SLC23A2: variants seen among roughly 807,000 people sequenced by gnomAD.
SLC23A2 encodes the protein Na(+)/L-ascorbic acid transporter 2.
SLC23A2 carries 36 observed loss-of-function variants against 73.3 expected under a neutral mutation model. That is an observed-to-expected ratio of 0.49 (90% CI 0.38 to 0.65). The LOEUF (loss-of-function observed/expected upper bound fraction) is 0.65. Ranked by LOEUF, SLC23A2 falls within the 30% of genes least tolerant of loss-of-function variation. SLC23A2 has a pLI of 0.00. For missense variants in SLC23A2, 507 were observed against 841.6 expected (o/e 0.60, Z 4.92); for synonymous variants, 343 against 327.3 (o/e 1.05, Z -0.52).
intron 1 of SLC23A2, among the ~76,000 whole-genome samples, chr20:4,990,135 T>C (rs2087901879): frequency 6.6e-6 from 1 of 152,164 alleles, no homozygotes; most frequent in East Asian, 1.9e-4. Flanking sequence ...AAAAGAACCA[T>C]CTAAAAAAGT....
rs532334599 is a variant in SLC23A2 at position 4,990,067 on chromosome 20, T to C, written c.-282+11339A>G. On this transcript the variant is annotated intron_variant, in intron 1 of 16. Transcript: ENST00000338244. Reference sequence around the variant, plus strand: ...ATTACACGGCAAACTTAAGGTCACATCTTCTTGTCAGTTGTGACAAAAATG... The same window carrying C: ...ATTACACGGCAAACTTAAGGTCACACCTTCTTGTCAGTTGTGACAAAAATG... Among the ~76,000 whole-genome samples the C allele has an allele frequency of 1.1e-4, 16 of 152,228 alleles. 1 individual carries two copies. The South Asian group carries it at 2.1e-3, about 20-fold the overall frequency.
At chr20:4,932,993 T>C (rs1280626424) in intron 2 of SLC23A2, among the ~76,000 whole-genome samples, 1 of 152,228 alleles carries the variant, frequency 6.6e-6, no homozygotes, top group East Asian at 1.9e-4. Flanking sequence ...AGGTACTTCT[T>C]TGATATGCAT....
intron 12 of SLC23A2, 91 bp from the exon 13 acceptor site, chr20:4,867,966 T>C (rs901633865): frequency 2.7e-6 from 2 of 751,890 alleles, no homozygotes; most frequent in South Asian, 3.1e-5. Flanking sequence ...AATCCAAAAA[T>C]GTGGTCCAGA....
intron 1 of SLC23A2, among the ~76,000 whole-genome samples, chr20:4,987,095 G>C (rs1215889851): frequency 6.6e-6 from 1 of 152,106 alleles, no homozygotes; most frequent in Non-Finnish European, 1.5e-5. Flanking sequence ...GCGTGGACAT[G>C]CAGGCCCCAA....
chr20:4,950,784 T>C (rs1436683086), intron 2 of SLC23A2, among the ~76,000 whole-genome samples: 1 of 151,986 alleles, frequency 6.6e-6, no homozygotes, highest in Non-Finnish European at 1.5e-5. Context: ...GCATCGACCA[T>C]CAGCAAGGGA....
At chr20:4,959,217 C>G (rs1289274979) in intron 2 of SLC23A2, among the ~76,000 whole-genome samples, 2 of 141,386 alleles carry the variant, frequency 1.4e-5, no homozygotes, top group African/African-American at 5.6e-5. Flanking sequence ...AAAACTCTGT[C>G]TCAAAAAAAA....
intron 6 of SLC23A2, among the ~76,000 whole-genome samples, chr20:4,887,563 C>T (rs1377397253): frequency 6.6e-6 from 1 of 152,226 alleles, no homozygotes; most frequent in Non-Finnish European, 1.5e-5. Context: ...AGACCTCAGC[C>T]TGAACCTGAC....
rs112717636 is a variant in SLC23A2 at position 4,965,615 on chromosome 20, T to C, written c.-155+5178A>G. ...AGCAAAACCCCGTCTCTACAAAAAA[T>C]TAGCCAGGTATGGTGGTGCATGCTT... On this transcript the variant is annotated intron_variant, in intron 2 of 16. Coordinates refer to ENST00000338244, the MANE Select transcript of SLC23A2 (RefSeq NM_005116.6). 1.5e-3 allele frequency among the ~76,000 whole-genome samples: 223 copies of C among 151,974 alleles called. 1 individual carries two copies. Among genetic ancestry groups the C allele is most frequent in the Admixed American group, 2.9e-3 (44 of 15,246 alleles).
chr20:4,903,744 C>T (rs1484421762), intron 4 of SLC23A2, among the ~76,000 whole-genome samples: 1 of 152,150 alleles, frequency 6.6e-6, no homozygotes, highest in South Asian at 2.1e-4. Context: ...CTTTCTCTTC[C>T]GTCCTAACAA....
chr20:4,887,917 A>G (rs1190675029), intron 6 of SLC23A2, among the ~76,000 whole-genome samples: 2 of 152,234 alleles, frequency 1.3e-5, no homozygotes, highest in African/African-American at 4.8e-5. Flanking sequence ...TCCCTAGATC[A>G]CAATTAACAA....
chr20:4,941,349 T>TA (rs1600154770), intron 2 of SLC23A2, among the ~76,000 whole-genome samples: 1 of 152,040 alleles, frequency 6.6e-6, no homozygotes, highest in East Asian at 1.9e-4. Context: ...GGCAACATAG[T>TA]AAGATTCCAT....
chr20:4,979,388 G>A (rs1192173620), intron 1 of SLC23A2, among the ~76,000 whole-genome samples: 8 of 151,890 alleles, frequency 5.3e-5, no homozygotes, highest in East Asian at 3.9e-4. Context: ...CACCAAAAGC[G>A]CCCAAACTTA....
chr20:5,003,500 C>A (rs906167737), upstream of SLC23A2, among the ~76,000 whole-genome samples: 1 of 151,800 alleles, frequency 6.6e-6, no homozygotes, highest in East Asian at 1.9e-4. Flanking sequence ...GAGCATAGAG[C>A]GTATTCCAGC....
intron 15 of SLC23A2, 123 bp downstream of exon 15, chr20:4,861,823 CCA>C: frequency 1.1e-6 from 1 of 925,200 alleles, no homozygotes; most frequent in East Asian, 2.4e-5. Flanking sequence ...CAAGAGAGAT[CCA>C]CAGACGCATC....
upstream of SLC23A2, among the ~76,000 whole-genome samples, chr20:5,003,106 G>C (rs1011961138): frequency 1.3e-5 from 2 of 152,162 alleles, no homozygotes; most frequent in Non-Finnish European, 2.9e-5. Context: ...AGATGCGGCC[G>C]GGCGCGGTGG....
chr20:4,907,232 C>T (rs1931988549), intron 4 of SLC23A2, among the ~76,000 whole-genome samples: 1 of 152,126 alleles, frequency 6.6e-6, no homozygotes. Context: ...CAGGAGACCA[C>T]ACGATTCCTT....
At chr20:4,928,833 T>C (rs1932753014) in intron 3 of SLC23A2, among the ~76,000 whole-genome samples, 1 of 152,148 alleles carries the variant, frequency 6.6e-6, no homozygotes, top group Admixed American at 6.5e-5. Flanking sequence ...CCTACTTAGG[T>C]TGGATCTGGA....
chr20:4,977,270 CACTT>C (rs2087656903), intron 1 of SLC23A2, among the ~76,000 whole-genome samples: 1 of 152,160 alleles, frequency 6.6e-6, no homozygotes, highest in South Asian at 2.1e-4. Context: ...CATTCTAGGA[CACTT>C]ACTACAATAT....
chr20:4,878,339 A>T (rs908563293), intron 9 of SLC23A2, among the ~76,000 whole-genome samples: 22 of 151,842 alleles, frequency 1.4e-4, no homozygotes, highest in Admixed American at 1.2e-3. Flanking sequence ...GGTGCCCGCC[A>T]CTACACCCAG....
Sources: allele counts gnomAD v4.1 joint callset (sites outside exome capture counted in the v4.1 genomes callset), GRCh38; gene constraint gnomAD v4.1.1; transcripts MANE v1.5; gene names NCBI Gene and HGNC (gene_info 2026-07-23, HGNC 2026-07-21).